The following RNF19A variants were observed in gnomAD, a reference collection of about 807,000 sequenced individuals.
The protein encoded by RNF19A is E3 ubiquitin-protein ligase RNF19A.
In RNF19A, 32 loss-of-function variants were observed where a neutral mutation model predicts 75.7. The observed-to-expected ratio is 0.42, with a 90% CI of 0.32 to 0.57. The LOEUF is 0.57. Ranked by LOEUF, RNF19A falls within the 20% of genes least tolerant of loss-of-function variation. RNF19A has a pLI of 0.10. For synonymous variants in RNF19A, 335 were observed against 345.2 expected (o/e 0.97, Z 0.33); for missense variants, 782 against 1,036.3 (o/e 0.75, Z 3.37).
Position 100,260,298 on chromosome 8 carries a change from T to C in RNF19A, c.1683-301A>G, listed in dbSNP as rs1819651489. On this transcript the variant is annotated intron_variant, in intron 8 of 9. Transcript: ENST00000341084. This position sits in a 1 kb window ranked among gnomAD's most constrained non-coding sequence, Gnocchi z 4.1. ...TATTCTCACTCAGCATATGGCACTTTGTAATGTTTCAATGCAAAACACAAA... is the reference window on the plus strand; with the variant it reads ...TATTCTCACTCAGCATATGGCACTTCGTAATGTTTCAATGCAAAACACAAA... Among the ~76,000 whole-genome samples, 1 of 152,212 alleles carries C rather than the reference T, an allele frequency of 6.6e-6. No homozygotes were observed. Among genetic ancestry groups the C allele is most frequent in the African/African-American group, 2.4e-5 (1 of 41,458 alleles).
At chr8:100,281,179 G>A (rs1203659523) in intron 2 of RNF19A, among the ~76,000 whole-genome samples, 1 of 152,186 alleles carries the variant, frequency 6.6e-6, no homozygotes, top group African/African-American at 2.4e-5. Flanking sequence ...TAACCTAGGA[G>A]TGGATGGACA....
rs1179877595 is a variant in RNF19A, at chr8:100,322,309, C to T, written c.-242-8937G>A. Among the ~76,000 whole-genome samples, 1 of 152,232 alleles carries T rather than the reference C, an allele frequency of 6.6e-6. No homozygotes were observed. The highest frequency in any genetic ancestry group is 1.5e-5 in the Non-Finnish European group (1 of 68,036). ...GCTGCCGCTTCTACATCAGCACTTC[C>T]TGCTTCACCTTGTACTTTCATGGCA... On this transcript the variant is annotated intron_variant, in intron 1 of 3. Coordinates refer to the RNF19A transcript ENST00000519527. The surrounding 1 kb of genome is among the most constrained non-coding windows in gnomAD (Gnocchi z 5.1).
In RNF19A at chr8:100,257,730, A is replaced by G; in HGVS notation, c.*826T>C. On this transcript the variant is annotated 3_prime_UTR_variant, in exon 10 of 10. Coordinates refer to ENST00000341084, the MANE Select transcript of RNF19A (RefSeq NM_183419.4). ...AGCAAAATCCTCAAATAACTAGGCC[A>G]TTAAAACCCAGTCGATCCCAAAGGC... The G allele has an allele frequency of 3.1e-6, 1 of 318,620 alleles. No individual in the cohort carries two copies. The highest frequency in any genetic ancestry group is 5.7e-6 in the Non-Finnish European group (1 of 176,280). The allele number at this position is 318,620 out of a possible 1,614,324, so 19.7% of individuals were successfully genotyped here. A position where few individuals can be genotyped will look rare whatever the true frequency, so the allele number is the denominator to read the frequency against.
In RNF19A at chr8:100,329,689, G is replaced by A. The variant is rs1182211505; in HGVS notation, c.-243+6419C>T. ...ACCTGATATGTGGTCAAAAGAACTG[G>A]TTGTACTTGGCTAAGAGAGAAAAGA... On this transcript the variant is annotated intron_variant, in intron 1 of 3. Coordinates refer to the RNF19A transcript ENST00000519527. The surrounding 1 kb of genome is among the most constrained non-coding windows in gnomAD (Gnocchi z 4.3). Among the ~76,000 whole-genome samples, 3 of 152,196 alleles carry A rather than the reference G, an allele frequency of 2.0e-5. No individual in the cohort carries two copies. The highest frequency in any genetic ancestry group is 7.2e-5 in the African/African-American group (3 of 41,456).
intron 2 of RNF19A, among the ~76,000 whole-genome samples, chr8:100,285,988 A>T (rs1820999909): frequency 6.6e-6 from 1 of 152,160 alleles, no homozygotes; most frequent in African/African-American, 2.4e-5. Flanking sequence ...AAGTTTTTTT[A>T]AAACTAAAAT....
intron 2 of RNF19A, among the ~76,000 whole-genome samples, chr8:100,278,526 T>G (rs1318946603): frequency 2.6e-5 from 4 of 152,120 alleles, no homozygotes; most frequent in Admixed American, 2.6e-4. Flanking sequence ...ATGCTTAACT[T>G]TCAAATAATT....
At chr8:100,299,323 A>G (rs1254196924) in intron 1 of RNF19A, among the ~76,000 whole-genome samples, 1 of 152,236 alleles carries the variant, frequency 6.6e-6, no homozygotes, top group African/African-American at 2.4e-5. Flanking sequence ...TAGGATAAAC[A>G]AATAATTGTT....
In RNF19A at chr8:100,323,879, T is replaced by C. The variant is rs1201212222; in HGVS notation, c.-242-10507A>G. 6.6e-5 allele frequency among the ~76,000 whole-genome samples: 10 copies of C among 152,150 alleles called. No homozygotes were observed. The highest frequency in any genetic ancestry group is 6.5e-4 in the Admixed American group (10 of 15,268). On this transcript the variant is annotated intron_variant, in intron 1 of 3. Coordinates refer to the RNF19A transcript ENST00000519527. This position sits in a 1 kb window ranked among gnomAD's most constrained non-coding sequence, Gnocchi z 4.6. ...TAAAATGACTGTGCCAAACCAACAT[T>C]CCTGTCAACGATCAAAGAAAGTAAG...
In RNF19A at chr8:100,317,887, T is replaced by C. The variant is rs1822406953; in HGVS notation, c.-242-4515A>G. 6.6e-6 allele frequency among the ~76,000 whole-genome samples: 1 copy of C among 152,186 alleles called. No homozygotes were observed. Among genetic ancestry groups the C allele is most frequent in the African/African-American group, 2.4e-5 (1 of 41,434 alleles). The stretch of plus-strand genomic sequence containing the variant: ...ACCCTCTTTCATTCTCAAAGTGTCC[T>C]GAGTTAGACAATAAATTACATGGTC... On this transcript the variant is annotated intron_variant, in intron 1 of 3. Transcript: ENST00000519527. This position sits in a 1 kb window ranked among gnomAD's most constrained non-coding sequence, Gnocchi z 4.3.
upstream of RNF19A, among the ~76,000 whole-genome samples, chr8:100,310,673 G>T (rs1027671675): frequency 6.6e-6 from 1 of 152,212 alleles, no homozygotes; most frequent in Non-Finnish European, 1.5e-5. Context: ...ACCTGTCTTT[G>T]CAGAGGCTGT....
chr8:100,299,579 G>A (rs939184748), intron 1 of RNF19A, among the ~76,000 whole-genome samples: 5 of 152,170 alleles, frequency 3.3e-5, no homozygotes, highest in African/African-American at 1.2e-4. Context: ...GGCCAACATG[G>A]TGAAACACTG....
intron 3 of RNF19A, among the ~76,000 whole-genome samples, chr8:100,274,155 G>T (rs1442588628): frequency 6.6e-6 from 1 of 152,164 alleles, no homozygotes; most frequent in Non-Finnish European, 1.5e-5. Flanking sequence ...GAGAATGTGG[G>T]ATTTGAATTC....
In RNF19A at chr8:100,261,016, C is replaced by T. The variant is rs757949424; in HGVS notation, c.1682+526G>A. Among the ~76,000 whole-genome samples the T allele has an allele frequency of 6.6e-6, 1 of 152,016 alleles. No homozygotes were observed. Among genetic ancestry groups the T allele is most frequent in the Non-Finnish European group, 1.5e-5 (1 of 68,008 alleles). ...ATGTCTACTGAAGCAGCTGTAGCAA[C>T]GATTTATAATATAAAATGTGACAAG... On this transcript the variant is annotated intron_variant, in intron 8 of 9. Coordinates refer to ENST00000341084, the MANE Select transcript of RNF19A (RefSeq NM_183419.4). This position sits in a 1 kb window ranked among gnomAD's most constrained non-coding sequence, Gnocchi z 4.4.
chr8:100,335,574 A>G (rs1318359560), intron 1 of RNF19A, among the ~76,000 whole-genome samples: 1 of 152,252 alleles, frequency 6.6e-6, no homozygotes. Context: ...AAATTACTCC[A>G]AAGTCTACTG....
chr8:100,312,629 A>C (rs997647529), upstream of RNF19A, among the ~76,000 whole-genome samples: 14 of 146,510 alleles, frequency 9.6e-5, no homozygotes, highest in Non-Finnish European at 1.7e-4. Flanking sequence ...GAGGGAGAGA[A>C]AGAAAGAAAG....
chr8:100,313,220 C>T (rs755932075), upstream of RNF19A: 10 of 563,564 alleles, frequency 1.8e-5, no homozygotes, highest in Admixed American at 2.5e-4. Flanking sequence ...CCTACATATC[C>T]GTTTGCATGG....
At position 100,258,847 on chromosome 8, in the gene RNF19A, A is replaced by G. The variant is rs1350287207; in HGVS notation, c.2226T>C (p.Ser742=). The G allele has an allele frequency of 3.1e-6, 5 of 1,614,058 alleles. No homozygotes were observed. In the East Asian group the frequency reaches 8.9e-5, roughly 29 times the overall value. The change falls in exon 10 of 10, where the codon TCT becomes TCC. Residue 742 remains serine (S), a synonymous_variant. Coordinates refer to ENST00000341084, the MANE Select transcript of RNF19A (RefSeq NM_183419.4). The surrounding 1 kb of genome is among the most constrained non-coding windows in gnomAD (Gnocchi z 4.3). ...SCSDLESMKT[S]CSHGSSDYHT... ...GATAATCACTGGAACCATGACTACAAGAAGTTTTCATGCTTTCTAGGTCAG... is the reference window on the plus strand; with the variant it reads ...GATAATCACTGGAACCATGACTACAGGAAGTTTTCATGCTTTCTAGGTCAG...
Position 100,325,590 on chromosome 8 carries a change from G to C in RNF19A, c.-243+10518C>G, listed in dbSNP as rs1612773. On this transcript the variant is annotated intron_variant, in intron 1 of 3. Transcript: ENST00000519527. This position sits in a 1 kb window ranked among gnomAD's most constrained non-coding sequence, Gnocchi z 4.3. Reference sequence around the variant, plus strand: ...CAGCAGCACCACACCTCTAGCCTACGCCCTGGGTCCTCAAGCCCAGCCTAT... The same window carrying C: ...CAGCAGCACCACACCTCTAGCCTACCCCCTGGGTCCTCAAGCCCAGCCTAT... 0.46 allele frequency among the ~76,000 whole-genome samples: 69,722 copies of C among 151,860 alleles called. 16,957 individuals are homozygous for C. Among genetic ancestry groups the C allele is most frequent in the African/African-American group, 0.64 (26,347 of 41,406 alleles).
Position 100,332,396 on chromosome 8 carries a change from T to G in RNF19A, c.-243+3712A>C, listed in dbSNP as rs1822624034. ...TGCACTTCTTTCTCTCCTGCCGCCT[T>G]GTGAAGAAGGTGCCTGCTTCTCGTT... is the stretch of plus-strand genomic sequence containing the variant. On this transcript the variant is annotated intron_variant, in intron 1 of 3. Transcript: ENST00000519527. The surrounding 1 kb of genome is among the most constrained non-coding windows in gnomAD (Gnocchi z 4.8). Among the ~76,000 whole-genome samples the G allele has an allele frequency of 1.3e-5, 2 of 152,240 alleles. No homozygotes were observed. The highest frequency in any genetic ancestry group is 4.1e-4 in the South Asian group (2 of 4,832).
Sources: gnomAD v4.1 joint callset for allele counts (sites outside exome capture counted in the v4.1 genomes callset) on GRCh38, gnomAD v4.1.1 for gene constraint, Gnocchi (gnomAD v3.1) non-coding constraint, MANE v1.5 for transcripts, NCBI Gene and HGNC (gene_info 2026-07-23, HGNC 2026-07-21) for gene names.